GPC6: variants seen among roughly 807,000 people sequenced by gnomAD.
GPC6 encodes the protein glypican 6, also known as glypican-6.
GPC6 carries 14 observed loss-of-function variants against 55.2 expected under a neutral mutation model. The ratio of observed to expected loss-of-function variants is 0.25; its 90% CI spans 0.17 to 0.40. The LOEUF (loss-of-function observed/expected upper bound fraction) is 0.40. Among genes scored for constraint, GPC6 ranks in the 10% least tolerant of loss-of-function variants. The pLI, the probability that GPC6 is intolerant of heterozygous loss-of-function variation, is 1.00. For synonymous variants in GPC6, 278 were observed against 259.6 expected (o/e 1.07, Z -0.68); for missense variants, 641 against 708.5 (o/e 0.90, Z 1.08).
intron 5 of GPC6, among the ~76,000 whole-genome samples, chr13:94,303,815 G>A (rs1790202971): frequency 6.7e-6 from 1 of 148,394 alleles, no homozygotes; most frequent in South Asian, 2.1e-4. Flanking sequence ...TTTCCATTAT[G>A]ATGAAATATC....
chr13:93,724,116 T>C (rs1004832959), intron 2 of GPC6, among the ~76,000 whole-genome samples: 3 of 151,992 alleles, frequency 2.0e-5, no homozygotes, highest in Non-Finnish European at 2.9e-5. Context: ...AAGTAAATAA[T>C]AACTTATTTT....
At chr13:93,556,402 GTA>G (rs1415750473) in intron 2 of GPC6, among the ~76,000 whole-genome samples, 24 of 109,468 alleles carry the variant, frequency 2.2e-4, no homozygotes, top group African/African-American at 3.6e-4. Flanking sequence ...GTGTATGTAT[GTA>G]TATGTATATA....
intron 4 of GPC6, among the ~76,000 whole-genome samples, chr13:94,149,719 A>G (rs1183680145): frequency 1.3e-5 from 2 of 152,092 alleles, no homozygotes; most frequent in Non-Finnish European, 2.9e-5. Context: ...ACAAGGTCTT[A>G]GCCTCCTTGA....
At chr13:94,043,548 A>C (rs1883616464) in intron 4 of GPC6, among the ~76,000 whole-genome samples, 1 of 151,648 alleles carries the variant, frequency 6.6e-6, no homozygotes. Flanking sequence ...TATATACTTC[A>C]TTTTGTGTGT....
Position 93,289,184 on chromosome 13 carries a change from A to G in GPC6, c.160+61568A>G, listed in dbSNP as rs143424969. 2.7e-3 allele frequency among the ~76,000 whole-genome samples: 404 copies of G among 152,254 alleles called. 3 individuals carry two copies. Among genetic ancestry groups the G allele is most frequent in the African/African-American group, 9.2e-3 (381 of 41,556 alleles). On this transcript the variant is annotated intron_variant, in intron 1 of 8. Coordinates refer to ENST00000377047, the MANE Select transcript of GPC6 (RefSeq NM_005708.5). ...AATACTGATGACTTTATTAATGCTA[A>G]CACTGCAACGTCTTTAATGCACACC... is the stretch of plus-strand genomic sequence containing the variant.
chr13:93,448,041 A>G (rs1284493217), intron 1 of GPC6, among the ~76,000 whole-genome samples: 1 of 152,154 alleles, frequency 6.6e-6, no homozygotes, highest in Non-Finnish European at 1.5e-5. Flanking sequence ...AACCACACCT[A>G]TGCTGTATAC....
rs1457229509 is a variant in GPC6 at position 94,329,320 on chromosome 13, TCA to T, written c.1152+23200_1152+23201del. ...CAACGTTAGGAATTTTCACATGAGT[TCA>T]CAGTGTTCCCAGGGCCCACCGCACC... On this transcript the variant is annotated intron_variant, in intron 6 of 8. Transcript: ENST00000377047. 6.6e-5 allele frequency among the ~76,000 whole-genome samples: 10 copies of T among 152,260 alleles called. No individual in the cohort carries two copies. The South Asian group carries it at 1.9e-3, about 28-fold the overall frequency.
intron 3 of GPC6, among the ~76,000 whole-genome samples, chr13:93,840,273 A>G (rs951604823): frequency 6.6e-6 from 1 of 152,182 alleles, no homozygotes; most frequent in African/African-American, 2.4e-5. Context: ...GTTACAACTG[A>G]CACCACTGAA....
chr13:94,246,401 G>T (rs1309806828), intron 4 of GPC6, among the ~76,000 whole-genome samples: 5 of 152,056 alleles, frequency 3.3e-5, no homozygotes, highest in African/African-American at 1.2e-4. Flanking sequence ...TGTAGCCTAA[G>T]ATTTTGGTGT....
chr13:93,707,980 C>T (rs2138804205), intron 2 of GPC6, among the ~76,000 whole-genome samples: 1 of 151,866 alleles, frequency 6.6e-6, no homozygotes, highest in East Asian at 2.0e-4. Flanking sequence ...CATGATATGG[C>T]TAATGTCCAA....
chr13:94,108,182 A>T (rs1886122708), intron 4 of GPC6, among the ~76,000 whole-genome samples: 1 of 152,194 alleles, frequency 6.6e-6, no homozygotes, highest in Admixed American at 6.5e-5. Flanking sequence ...TGTGGTATAT[A>T]TGTATAATGG....
intron 4 of GPC6, among the ~76,000 whole-genome samples, chr13:94,284,070 C>T (rs2079543761): frequency 6.6e-6 from 1 of 152,170 alleles, no homozygotes; most frequent in Admixed American, 6.5e-5. Flanking sequence ...GAAGGAAGTT[C>T]TCCTAAAACC....
intron 2 of GPC6, among the ~76,000 whole-genome samples, chr13:93,733,510 A>C (rs1038462554): frequency 3.2e-4 from 49 of 151,088 alleles, no homozygotes; most frequent in African/African-American, 1.2e-3. Context: ...GATCAGGCAT[A>C]AAATATATAT....
intron 4 of GPC6, among the ~76,000 whole-genome samples, chr13:94,085,089 C>T (rs974692611): frequency 2.6e-5 from 4 of 151,626 alleles, no homozygotes; most frequent in Admixed American, 2.0e-4. Context: ...TTTGGGAGGC[C>T]GAGGCAGGCA....
intron 2 of GPC6, among the ~76,000 whole-genome samples, chr13:93,577,981 C>T (rs1174492255): frequency 1.3e-5 from 2 of 151,880 alleles, no homozygotes; most frequent in Non-Finnish European, 2.9e-5. Context: ...GGTTTTCATT[C>T]TTGGTTCTGT....
chr13:93,327,943 G>A (rs1879713792), intron 1 of GPC6, among the ~76,000 whole-genome samples: 1 of 151,984 alleles, frequency 6.6e-6, no homozygotes, highest in Admixed American at 6.6e-5. Context: ...TGACTCCTCA[G>A]ATTCAGGGAA....
chr13:94,043,779 A>G (rs531811641), intron 4 of GPC6, among the ~76,000 whole-genome samples: 31 of 152,022 alleles, frequency 2.0e-4, no homozygotes, highest in African/African-American at 7.2e-4. Context: ...TTTAAGAAAT[A>G]TATTGACCAG....
Position 93,269,696 on chromosome 13 carries a change from T to C in GPC6, c.160+42080T>C, listed in dbSNP as rs532082685. On this transcript the variant is annotated intron_variant, in intron 1 of 8. Coordinates refer to ENST00000377047, the MANE Select transcript of GPC6 (RefSeq NM_005708.5). ...ATCCCAGCACTTTGGGAGGCCAAGG[T>C]GGGCGGATCACGAGGTCAGGAGATC... 5.5e-5 allele frequency among the ~76,000 whole-genome samples: 8 copies of C among 146,096 alleles called. No individual in the cohort carries two copies. In the South Asian group the frequency reaches 8.6e-4, roughly 16 times the overall value.
At chr13:93,230,310 GCC>G (rs775857601) in intron 1 of GPC6, among the ~76,000 whole-genome samples, 4 of 152,070 alleles carry the variant, frequency 2.6e-5, no homozygotes, top group Non-Finnish European at 4.4e-5. Flanking sequence ...AAATAGTGTT[GCC>G]CTTTTCTATT....
Sources: allele counts gnomAD v4.1 joint callset (sites outside exome capture counted in the v4.1 genomes callset), GRCh38; gene constraint gnomAD v4.1.1; transcripts MANE v1.5; gene names NCBI Gene and HGNC (gene_info 2026-07-23, HGNC 2026-07-21).